PLXND1: variants seen among roughly 807,000 people sequenced by gnomAD.
PLXND1 encodes plexin D1, also known as plexin-D1.
Under a neutral mutation model 197.7 loss-of-function variants are expected in PLXND1, and 54 were observed. That is an observed-to-expected ratio of 0.27 (90% CI 0.22 to 0.34). The LOEUF (loss-of-function observed/expected upper bound fraction) is 0.34, where lower values mean the gene tolerates loss of function less well. Among genes scored for constraint, PLXND1 ranks in the 10% least tolerant of loss-of-function variants. The probability of loss-of-function intolerance (pLI) is 1.00; values close to 1 mark genes in which losing one functional copy is unlikely to be tolerated. For synonymous variants in PLXND1, 1,180 were observed against 1,161.2 expected, an observed-to-expected ratio of 1.02 and a Z score of -0.33; for missense variants, 2,127 against 2,699.2, an observed-to-expected ratio of 0.79 and a Z score of 4.70.
Position 129,557,404 on chromosome 3 carries a change from C to T in PLXND1, c.5446-181G>A. ...TCAGCCGGCCCCAGACCAGGGGCTC[C>T]TCACTGTGCTCTGTCTGCCCCGCCT... is the stretch of plus-strand genomic sequence containing the variant. On this transcript the variant is annotated intron_variant, in intron 33 of 35. Coordinates refer to ENST00000324093, the MANE Select transcript of PLXND1 (RefSeq NM_015103.3). The surrounding 1 kb of genome is among the most constrained non-coding windows in gnomAD (Gnocchi z 4.8). 6.6e-6 allele frequency among the ~76,000 whole-genome samples: 1 copy of T among 152,168 alleles called. No homozygotes were observed. The highest frequency in any genetic ancestry group is 2.1e-4 in the South Asian group (1 of 4,826).
chr3:129,596,276 C>T (rs1023224852), intron 1 of PLXND1, among the ~76,000 whole-genome samples: 3 of 152,168 alleles, frequency 2.0e-5, no homozygotes, highest in Non-Finnish European at 2.9e-5. Context: ...ATGGGCTACA[C>T]CGCCCTCACC....
rs775731523 is a variant in PLXND1, at chr3:129,555,729, C to T, written c.*583G>A. ...GAAGCCCACAGAGCACCCCATGGCG[C>T]GGGCACTGCCCACTCTACCAACAGC... On this transcript the variant is annotated 3_prime_UTR_variant, in exon 36 of 36. Coordinates refer to ENST00000324093, the MANE Select transcript of PLXND1 (RefSeq NM_015103.3). 27 of 507,296 alleles carry T rather than the reference C, an allele frequency of 5.3e-5. No individual in the cohort carries two copies. The highest frequency in any genetic ancestry group is 1.5e-4 in the South Asian group (5 of 33,508). The allele number at this position is 507,296 out of a possible 1,614,324, so 31.4% of individuals were successfully genotyped here.
rs200902398 is a variant in PLXND1, at chr3:129,562,780, C to T, written c.4825+7G>A. The T allele has an allele frequency of 3.8e-6, 6 of 1,587,798 alleles. No individual in the cohort carries two copies. The African/African-American group carries it at 8.1e-5, about 21-fold the overall frequency. ...GACACGGGGTCTCTGCCCCCATTCCCACCCACCAAGGTCGACGTCCTCTGC... is the reference window on the plus strand; with the variant it reads ...GACACGGGGTCTCTGCCCCCATTCCTACCCACCAAGGTCGACGTCCTCTGC... On this transcript the variant is annotated splice_region_variant and intron_variant, in intron 27 of 35. Coordinates refer to ENST00000324093, the MANE Select transcript of PLXND1 (RefSeq NM_015103.3).
chr3:129,569,849 C>G lies in PLXND1; in HGVS notation c.3859G>C (p.Val1287Leu), dbSNP rs772112447. ...VICSVLLLLS[V>L]VALFVFCTKS... Reference sequence around the variant, plus strand: ...TGAGGGTGGGGCTCCTTACCCACCACGGAGAGCAGCAGCAGGACGCTGCAG... The same window carrying G: ...TGAGGGTGGGGCTCCTTACCCACCAGGGAGAGCAGCAGCAGGACGCTGCAG... The change falls in exon 20 of 36, where the codon GTG (valine) becomes CTG (leucine). Residue 1287 changes from valine (V) to leucine (L), a missense_variant. Physicochemically the swap from Val to Leu is conservative, Grantham distance 32. This residue lies in a region of PLXND1 where 532 missense variants were observed against 811.0 expected (regional missense o/e 0.66). Transcript: ENST00000324093. 8 of 1,590,082 alleles carry G rather than the reference C, an allele frequency of 5.0e-6. No individual in the cohort carries two copies. Among genetic ancestry groups the G allele is most frequent in the Admixed American group, 5.0e-5 (3 of 59,970 alleles).
At position 129,600,476 on chromosome 3, in the gene PLXND1, G is replaced by C. The variant is rs2085691500; in HGVS notation, c.1311+4853C>G. On this transcript the variant is annotated intron_variant, in intron 1 of 35. Coordinates refer to ENST00000324093, the MANE Select transcript of PLXND1 (RefSeq NM_015103.3). ...AGATTTTAATCTACCCACATCCTAG[G>C]AGGGAGGCATAAGACCTGTTTTATA... Among the ~76,000 whole-genome samples the C allele has an allele frequency of 2.0e-5, 3 of 152,138 alleles. No individual in the cohort carries two copies. The South Asian group carries it at 6.2e-4, about 32-fold the overall frequency.
rs750649180 is a variant in PLXND1, at chr3:129,566,604, C to T, written c.4114G>A (p.Val1372Met). The T allele has an allele frequency of 9.3e-6, 15 of 1,610,338 alleles. No individual in the cohort carries two copies. Among genetic ancestry groups the T allele is most frequent in the East Asian group, 8.9e-5 (4 of 44,798 alleles). Residue 1372 changes from valine to methionine, a missense_variant, in exon 23 of 36, where the codon GTG (valine) becomes ATG (methionine). Transcript: ENST00000324093. ...KCSSLYEERY[V>M]LPSQTLNSQG... ...GAGTTGAGGGTCTGGGAGGGCAGCA[C>T]GTAACGCTCTTCATAAAGGGAGGAA...
Position 129,563,249 on chromosome 3 carries a change from C to T in PLXND1, c.4522-9G>A. The T allele has an allele frequency of 1.2e-6, 2 of 1,604,228 alleles. No homozygotes were observed. The highest frequency in any genetic ancestry group is 1.1e-5 in the South Asian group (1 of 89,572). The stretch of plus-strand genomic sequence containing the variant: ...GGCTCCCCCACCGTCTCCTGAGGGG[C>T]ACGGGGGTATCAGGGCCAAGGCCCC... On this transcript the variant is annotated splice_polypyrimidine_tract_variant and intron_variant, in intron 25 of 35. Coordinates refer to ENST00000324093, the MANE Select transcript of PLXND1 (RefSeq NM_015103.3).
At chr3:129,587,223 C>G (rs987889240) in intron 2 of PLXND1, among the ~76,000 whole-genome samples, 5 of 152,168 alleles carry the variant, frequency 3.3e-5, no homozygotes, top group Non-Finnish European at 4.4e-5. Flanking sequence ...TTCCTCCCCC[C>G]GACGCCCATT....
At chr3:129,597,411 G>C (rs1226146957) in intron 1 of PLXND1, among the ~76,000 whole-genome samples, 2 of 152,194 alleles carry the variant, frequency 1.3e-5, no homozygotes, top group Non-Finnish European at 2.9e-5. Flanking sequence ...GCAGAGGCTG[G>C]AGAAGGGCAC....
At chr3:129,561,577 C>T in intron 29 of PLXND1, 69 bp downstream of exon 29, 4 of 1,215,416 alleles carry the variant, frequency 3.3e-6, no homozygotes, top group Non-Finnish European at 4.7e-6. Context: ...AGCTTCCCCA[C>T]TGGGGCATGG....
At chr3:129,578,857 C>T (rs1019206542) in intron 8 of PLXND1, among the ~76,000 whole-genome samples, 2 of 152,220 alleles carry the variant, frequency 1.3e-5, no homozygotes, top group Non-Finnish European at 2.9e-5. Flanking sequence ...AGCTTCCTGA[C>T]TGACCCGTGT....
In PLXND1 at chr3:129,561,781, G is replaced by T; in HGVS notation, c.4929+19C>A. 6.3e-7 allele frequency: 1 copy of T among 1,581,300 alleles called. No individual in the cohort carries two copies. The highest frequency in any genetic ancestry group is 8.7e-7 in the Non-Finnish European group (1 of 1,152,926). On this transcript the variant is annotated intron_variant, in intron 28 of 35. Transcript: ENST00000324093. ...GGGGCATGAGGGTGGGGAAATGGGGGCGGGGGGCAGGGCTGCACCTTGTAA... is the reference window on the plus strand; with the variant it reads ...GGGGCATGAGGGTGGGGAAATGGGGTCGGGGGGCAGGGCTGCACCTTGTAA...
At position 129,561,908 on chromosome 3, in the gene PLXND1, G is replaced by C; in HGVS notation, c.4826-5C>G. Reference sequence around the variant, plus strand: ...GTGTGCTGGAGGCGAACCACTCTGGGGGACAAGGGACAGGCCATCAGGGTC... The same window carrying C: ...GTGTGCTGGAGGCGAACCACTCTGGCGGACAAGGGACAGGCCATCAGGGTC... On this transcript the variant is annotated splice_polypyrimidine_tract_variant and splice_region_variant and intron_variant, in intron 27 of 35. Transcript: ENST00000324093. The C allele has an allele frequency of 6.2e-7, 1 of 1,605,232 alleles. No individual in the cohort carries two copies. Among genetic ancestry groups the C allele is most frequent in the Non-Finnish European group, 8.5e-7 (1 of 1,172,078 alleles).
In PLXND1 at chr3:129,570,832, G is replaced by C; in HGVS notation, c.3704C>G (p.Ser1235Trp). Residue 1235 changes from serine (S) to tryptophan (W), a missense_variant, in exon 19 of 36, where the codon TCG becomes TGG. Around this residue, in one of 6 missense-constraint regions of PLXND1, gnomAD observed 532 missense variants for 811.0 expected, o/e 0.66. Coordinates refer to ENST00000324093, the MANE Select transcript of PLXND1 (RefSeq NM_015103.3). ...GGCCGCGCCCAGGGACTCGTTGACC[G>C]AGCAGTGGATGATTCTGTCAGAGAC... ...QIVSDRIIHC[S>W]VNESLGAAVG... 6.2e-7 allele frequency: 1 copy of C among 1,614,218 alleles called. No individual in the cohort carries two copies.
chr3:129,578,625 C>T (rs553915375), intron 8 of PLXND1, 192 bp from the exon 9 acceptor site: 3 of 575,872 alleles, frequency 5.2e-6, no homozygotes, highest in South Asian at 4.2e-5. Flanking sequence ...ATGGGCAGGT[C>T]GCATTGGCCC....
At chr3:129,590,327 T>C (rs978424344) in intron 1 of PLXND1, among the ~76,000 whole-genome samples, 1 of 152,080 alleles carries the variant, frequency 6.6e-6, no homozygotes, top group African/African-American at 2.4e-5. Flanking sequence ...AACTTGCTCC[T>C]ACCTTCCCTC....
chr3:129,580,754 C>T (rs1183162754), intron 8 of PLXND1, among the ~76,000 whole-genome samples: 1 of 152,060 alleles, frequency 6.6e-6, no homozygotes, highest in Non-Finnish European at 1.5e-5. Flanking sequence ...AGGGGAAGAA[C>T]TGGTGTCCCA....
chr3:129,560,040 C>T (rs2085034549), intron 31 of PLXND1, among the ~76,000 whole-genome samples: 1 of 152,226 alleles, frequency 6.6e-6, no homozygotes, highest in Admixed American at 6.5e-5. Flanking sequence ...TGCCACTGAG[C>T]CACGTGGCCT....
Position 129,570,831 on chromosome 3 carries a change from C to G in PLXND1, c.3705G>C (p.Ser1235=). ...QIVSDRIIHC[S]VNESLGAAVG... is the part of the protein sequence containing the mutation. ...CGGCCGCGCCCAGGGACTCGTTGAC[C>G]GAGCAGTGGATGATTCTGTCAGAGA... Residue 1235 remains serine, a synonymous_variant, in exon 19 of 36, where the codon TCG becomes TCC. Coordinates refer to ENST00000324093, the MANE Select transcript of PLXND1 (RefSeq NM_015103.3). 2 of 1,614,206 alleles carry G rather than the reference C, an allele frequency of 1.2e-6. No individual in the cohort carries two copies. The highest frequency in any genetic ancestry group is 1.7e-6 in the Non-Finnish European group (2 of 1,180,022).
Sources: allele counts gnomAD v4.1 joint callset (sites outside exome capture counted in the v4.1 genomes callset), GRCh38; gene constraint gnomAD v4.1.1; regional missense constraint gnomAD v4.1.1; non-coding constraint Gnocchi (gnomAD v3.1); transcripts MANE v1.5; gene names NCBI Gene and HGNC (gene_info 2026-07-23, HGNC 2026-07-21).